Variants in ATAD3C observed in about 807,000 individuals in gnomAD.
ATAD3C encodes the protein ATPase family AAA domain containing 3C.
A neutral mutation model predicts 46.3 loss-of-function variants in ATAD3C; 38 were observed. The ratio of observed to expected loss-of-function variants is 0.82; its 90% confidence interval spans 0.63 to 1.08. The LOEUF (loss-of-function observed/expected upper bound fraction) is 1.08, where lower values mean the gene tolerates loss of function less well. ATAD3C is among the 50% of genes least tolerant of loss of function. The pLI, the probability that ATAD3C is intolerant of heterozygous loss-of-function variation, is 0.00. For missense variants in ATAD3C, 563 were observed against 572.7 expected (o/e 0.98, Z 0.17); for synonymous variants, 220 against 236.4 (o/e 0.93, Z 0.63).
intron 7 of ATAD3C, among the ~76,000 whole-genome samples, chr1:1,456,787 G>A (rs1377494629): frequency 2.0e-5 from 3 of 151,046 alleles, no homozygotes; most frequent in African/African-American, 2.4e-5. Context: ...GGCACAGCCC[G>A]GGCACCCTTG....
intron 3 of ATAD3C, among the ~76,000 whole-genome samples, chr1:1,454,101 G>C (rs569230453): frequency 6.6e-6 from 1 of 152,168 alleles, no homozygotes; most frequent in East Asian, 1.9e-4. Context: ...GAGCTTTGTA[G>C]GATTTATGCT....
intron 8 of ATAD3C, among the ~76,000 whole-genome samples, chr1:1,458,424 A>T (rs1570151383): frequency 6.8e-6 from 1 of 147,522 alleles, no homozygotes. Flanking sequence ...ACAGTCATGT[A>T]CCACCACACC....
Position 1,470,104 on chromosome 1 carries a change from C to G in ATAD3C, c.*1574C>G, listed in dbSNP as rs1391355452. 1 of 152,034 alleles carries G rather than the reference C, an allele frequency of 6.6e-6. No homozygotes were observed. Among genetic ancestry groups the G allele is most frequent in the Non-Finnish European group, 1.5e-5 (1 of 68,002 alleles). The allele number at this position is 152,034 out of a possible 1,614,324, so 9.4% of individuals were successfully genotyped here. On this transcript the variant is annotated 3_prime_UTR_variant, in exon 12 of 12. Transcript: ENST00000378785. ...AATCCCACCACCCTTTGCTGACTCT[C>G]TTTTTGAACTCAGCCCGCCTGCACC... is the stretch of plus-strand genomic sequence containing the variant.
intron 11 of ATAD3C, among the ~76,000 whole-genome samples, chr1:1,466,927 G>A (rs1397117830): frequency 1.3e-5 from 2 of 152,012 alleles, no homozygotes; most frequent in Non-Finnish European, 2.9e-5. Context: ...TTGAGGAGTG[G>A]TACTGATTCT....
rs1298524381 is a variant in ATAD3C, at chr1:1,459,212, A to G, written c.793A>G (p.Thr265Ala). 8 of 1,612,356 alleles carry G rather than the reference A, an allele frequency of 5.0e-6. No homozygotes were observed. Among genetic ancestry groups the G allele is most frequent in the Non-Finnish European group, 6.8e-6 (8 of 1,179,614 alleles). Reference protein sequence around the residue: ...RATLNAFLYRTGQHSNKFMLI... With the variant: ...RATLNAFLYRAGQHSNKFMLI... ...CACACTGAACGCCTTCCTGTACCGC[A>G]CGGGCCAGCACAGCAACAAGTGAGG... Residue 265 changes from threonine to alanine, a missense_variant, in exon 9 of 12, where the codon ACG (threonine) becomes GCG (alanine). Around this residue, in one of 3 missense-constraint regions of ATAD3C, gnomAD observed 273 missense variants for 253.5 expected, o/e 1.08. Coordinates refer to ENST00000378785, the MANE Select transcript of ATAD3C (RefSeq NM_001039211.3). The surrounding 1 kb of genome is among the most constrained non-coding windows in gnomAD (Gnocchi z 4.9).
rs900939674 is a variant in ATAD3C, at chr1:1,452,557, C to G, written c.222+123C>G. The G allele has an allele frequency of 6.7e-6, 10 of 1,495,876 alleles. No homozygotes were observed. In the African/African-American group the frequency reaches 1.2e-4, roughly 19 times the overall value. 92.7% of individuals were successfully genotyped at this position (1,495,876 alleles called of 1,614,324 possible). On this transcript the variant is annotated intron_variant, in intron 3 of 11. Coordinates refer to ENST00000378785, the MANE Select transcript of ATAD3C (RefSeq NM_001039211.3). ...GTCCTGGCGCTCTCCCAGCATGGAA[C>G]AAGCCCAAACTGGACCTGCTGGTGG...
Position 1,458,099 on chromosome 1 carries a change from C to G in ATAD3C, c.741+919C>G, listed in dbSNP as rs1043808598. ...GTTCAAGCTGGTCTCCTGCCTCAGC[C>G]CCCTGAGTAGCTGGGATTACAGGTG... On this transcript the variant is annotated intron_variant, in intron 8 of 11. Coordinates refer to ENST00000378785, the MANE Select transcript of ATAD3C (RefSeq NM_001039211.3). 2.6e-5 allele frequency among the ~76,000 whole-genome samples: 4 copies of G among 151,532 alleles called. No homozygotes were observed. In the Admixed American group the frequency reaches 2.6e-4, roughly 10 times the overall value.
chr1:1,462,953 G>A lies in ATAD3C; in HGVS notation c.1089+245G>A, dbSNP rs1046260773. Among the ~76,000 whole-genome samples the A allele has an allele frequency of 6.6e-6, 1 of 152,124 alleles. No homozygotes were observed. Among genetic ancestry groups the A allele is most frequent in the Non-Finnish European group, 1.5e-5 (1 of 67,998 alleles). On this transcript the variant is annotated intron_variant, in intron 11 of 11. Transcript: ENST00000378785. This position sits in a 1 kb window ranked among gnomAD's most constrained non-coding sequence, Gnocchi z 4.5. ...CGGTCACAGGTCAGGAAGCCAGTGC[G>A]GCCTCCTAGTAGCCCGGGCTCTGCC...
chr1:1,457,298 A>G, intron 8 of ATAD3C, 118 bp downstream of exon 8: 1 of 1,543,830 alleles, frequency 6.5e-7, no homozygotes, highest in Non-Finnish European at 8.9e-7. Flanking sequence ...TTTGTGTGAA[A>G]AACACAGCAT....
Position 1,450,085 on chromosome 1 carries a change from T to C in ATAD3C, c.-599T>C, listed in dbSNP as rs530863273. On this transcript the variant is annotated 5_prime_UTR_variant, in exon 1 of 12. Coordinates refer to ENST00000378785, the MANE Select transcript of ATAD3C (RefSeq NM_001039211.3). ...GGCTCACACCTGTAATCCCAGCACT[T>C]TGGGAGGCTGAGGTGGGCGGATCAC... is the stretch of plus-strand genomic sequence containing the variant. 31 of 152,222 alleles carry C rather than the reference T, an allele frequency of 2.0e-4. 1 individual carries two copies. The East Asian group carries it at 5.8e-3, about 28-fold the overall frequency. 9.4% of individuals were successfully genotyped at this position (152,222 alleles called of 1,614,324 possible).
Position 1,459,055 on chromosome 1 carries a change from C to T in ATAD3C, c.742-106C>T, listed in dbSNP as rs945109593. 27 of 1,561,574 alleles carry T rather than the reference C, an allele frequency of 1.7e-5. No individual in the cohort carries two copies. The highest frequency in any genetic ancestry group is 9.4e-5 in the South Asian group (8 of 84,852). On this transcript the variant is annotated intron_variant, in intron 8 of 11. Transcript: ENST00000378785. The surrounding 1 kb of genome is among the most constrained non-coding windows in gnomAD (Gnocchi z 4.9). Reference sequence around the variant, plus strand: ...TTTGAGTCTAGATCCGTGAAAGTGTCGCCATGTCCCTGCTCCCTGCAGGAG... The same window carrying T: ...TTTGAGTCTAGATCCGTGAAAGTGTTGCCATGTCCCTGCTCCCTGCAGGAG...
At chr1:1,457,672 T>C (rs1638989758) in intron 8 of ATAD3C, among the ~76,000 whole-genome samples, 1 of 151,488 alleles carries the variant, frequency 6.6e-6, no homozygotes, top group South Asian at 2.1e-4. Flanking sequence ...TTTTGAGTGT[T>C]TTTTGTTTTG....
intron 11 of ATAD3C, among the ~76,000 whole-genome samples, chr1:1,467,432 C>T (rs372346529): frequency 3.9e-5 from 6 of 152,152 alleles, no homozygotes; most frequent in Admixed American, 2.0e-4. Flanking sequence ...AGTGGTGGTC[C>T]GGCTCCGGTC....
intron 11 of ATAD3C, among the ~76,000 whole-genome samples, chr1:1,464,219 AAAG>A (rs1284314964): frequency 6.6e-6 from 1 of 151,310 alleles, no homozygotes; most frequent in African/African-American, 2.4e-5. Flanking sequence ...AAAAAAAAAA[AAAG>A]AACAGGAGTG....
intron 11 of ATAD3C, among the ~76,000 whole-genome samples, chr1:1,467,640 T>C (rs1454025588): frequency 6.6e-6 from 1 of 152,072 alleles, no homozygotes; most frequent in East Asian, 1.9e-4. Context: ...CCCGCTCAGC[T>C]GTCCGGGAAG....
intron 5 of ATAD3C, 37 bp from the exon 6 acceptor site, chr1:1,455,754 C>G (rs1473095667): frequency 1.9e-6 from 3 of 1,611,690 alleles, no homozygotes; most frequent in Non-Finnish European, 2.5e-6. Context: ...TCTGTGGGTG[C>G]AGACTGTGTC....
chr1:1,454,610 A>G (rs991763705), intron 4 of ATAD3C, 110 bp downstream of exon 4: 2 of 1,464,914 alleles, frequency 1.4e-6, no homozygotes, highest in Non-Finnish European at 1.8e-6. Context: ...TCCCCGGATA[A>G]CAGGCACCCG....
At position 1,459,054 on chromosome 1, in the gene ATAD3C, T is replaced by A. The variant is rs1639014461; in HGVS notation, c.742-107T>A. 3 of 1,562,120 alleles carry A rather than the reference T, an allele frequency of 1.9e-6. No homozygotes were observed. Among genetic ancestry groups the A allele is most frequent in the Admixed American group, 1.9e-5 (1 of 51,446 alleles). ...TTTTGAGTCTAGATCCGTGAAAGTG[T>A]CGCCATGTCCCTGCTCCCTGCAGGA... On this transcript the variant is annotated intron_variant, in intron 8 of 11. Coordinates refer to ENST00000378785, the MANE Select transcript of ATAD3C (RefSeq NM_001039211.3). The surrounding 1 kb of genome is among the most constrained non-coding windows in gnomAD (Gnocchi z 4.9).
intron 8 of ATAD3C, among the ~76,000 whole-genome samples, chr1:1,457,594 T>TAA (rs1638986131): frequency 1.7e-5 from 1 of 57,232 alleles, no homozygotes. Flanking sequence ...AGACTTCATC[T>TAA]CAAAAAAAAA....
Sources: gnomAD v4.1 joint callset for allele counts (sites outside exome capture counted in the v4.1 genomes callset) on GRCh38, gnomAD v4.1.1 for gene constraint, gnomAD v4.1.1 regional missense constraint, Gnocchi (gnomAD v3.1) non-coding constraint, MANE v1.5 for transcripts, NCBI Gene and HGNC (gene_info 2026-07-23, HGNC 2026-07-21) for gene names.